The following DDX10 variants were observed in gnomAD, a reference collection of about 807,000 sequenced individuals.
The protein encoded by DDX10 is DEAD-box helicase 10, also known as probable ATP-dependent RNA helicase DDX10.
In DDX10, 74 loss-of-function variants were observed where a neutral mutation model predicts 104.3. That is an observed-to-expected ratio of 0.71 (90% confidence interval 0.59 to 0.86). DDX10 has a LOEUF of 0.86. DDX10 is among the 40% of genes least tolerant of loss of function. The pLI is 0.00. For synonymous variants in DDX10, 351 were observed against 353.4 expected (o/e 0.99, Z 0.08); for missense variants, 952 against 1,040.0 (o/e 0.92, Z 1.16).
intron 9 of DDX10, among the ~76,000 whole-genome samples, chr11:108,695,748 G>A (rs1165390002): frequency 6.7e-6 from 1 of 150,094 alleles, no homozygotes; most frequent in Admixed American, 6.7e-5. Context: ...TTGAATGTAT[G>A]AGTGTTTAAG....
chr11:108,819,352 G>GC (rs1862294845), intron 13 of DDX10, among the ~76,000 whole-genome samples: 1 of 152,078 alleles, frequency 6.6e-6, no homozygotes, highest in Non-Finnish European at 1.5e-5. Flanking sequence ...TTCAGTACCA[G>GC]CATAGCCCTC....
chr11:108,681,588 A>G (rs2094235315), intron 6 of DDX10, among the ~76,000 whole-genome samples: 1 of 152,230 alleles, frequency 6.6e-6, no homozygotes, highest in Non-Finnish European at 1.5e-5. Context: ...CTACTCTCAA[A>G]TTGTGAAGGA....
intron 9 of DDX10, among the ~76,000 whole-genome samples, chr11:108,698,946 A>G (rs1324616304): frequency 6.6e-6 from 1 of 152,124 alleles, no homozygotes; most frequent in Non-Finnish European, 1.5e-5. Flanking sequence ...CATTTTCCTC[A>G]AGTATCCACA....
intron 16 of DDX10, among the ~76,000 whole-genome samples, chr11:108,887,817 G>A (rs1222739210): frequency 2.6e-5 from 4 of 152,080 alleles, no homozygotes; most frequent in Non-Finnish European, 4.4e-5. Flanking sequence ...TCCTCAGGAA[G>A]ACTGAGACAG....
At chr11:108,745,707 A>C (rs1162538466) in intron 13 of DDX10, among the ~76,000 whole-genome samples, 1 of 152,190 alleles carries the variant, frequency 6.6e-6, no homozygotes, top group Non-Finnish European at 1.5e-5. Flanking sequence ...TAATTCTCTG[A>C]AGTCTTAAAT....
intron 9 of DDX10, among the ~76,000 whole-genome samples, chr11:108,696,892 A>C (rs891914813): frequency 6.6e-6 from 1 of 152,144 alleles, no homozygotes; most frequent in Admixed American, 6.5e-5. Context: ...GGACATGTCA[A>C]TATAAATCAG....
At chr11:108,790,747 C>G (rs1232255839) in intron 13 of DDX10, among the ~76,000 whole-genome samples, 1 of 151,884 alleles carries the variant, frequency 6.6e-6, no homozygotes, top group African/African-American at 2.4e-5. Context: ...TGTGCCACTT[C>G]ATGGTCTCTC....
intron 13 of DDX10, among the ~76,000 whole-genome samples, chr11:108,829,001 G>A (rs568379826): frequency 4.6e-5 from 7 of 152,294 alleles, no homozygotes; most frequent in African/African-American, 1.4e-4. Context: ...ATTGATGGGC[G>A]TTTGGGTTGG....
intron 13 of DDX10, among the ~76,000 whole-genome samples, chr11:108,804,178 A>G (rs1329419290): frequency 1.3e-5 from 2 of 152,162 alleles, no homozygotes; most frequent in Non-Finnish European, 2.9e-5. Flanking sequence ...GTTCCAAGTC[A>G]ACTTACTGGT....
At chr11:108,857,798 T>C (rs1021287965) in intron 16 of DDX10, among the ~76,000 whole-genome samples, 1 of 152,204 alleles carries the variant, frequency 6.6e-6, no homozygotes, top group Non-Finnish European at 1.5e-5. Flanking sequence ...AGGCCATAGG[T>C]CATTTCCGAG....
intron 16 of DDX10, among the ~76,000 whole-genome samples, chr11:108,915,218 T>A (rs551078027): frequency 1.3e-5 from 2 of 152,312 alleles, no homozygotes; most frequent in South Asian, 4.1e-4. Flanking sequence ...CATGGTCAAC[T>A]GTTATGATAA....
intron 15 of DDX10, among the ~76,000 whole-genome samples, chr11:108,851,394 G>A (rs751822815): frequency 6.6e-6 from 1 of 151,990 alleles, no homozygotes. Context: ...AGTAATTGGT[G>A]CCAACTTAAT....
intron 7 of DDX10, chr11:108,690,904 TTTCCAA>T (rs1194676670): frequency 6.4e-6 from 1 of 156,038 alleles, no homozygotes; most frequent in African/African-American, 2.4e-5. Flanking sequence ...GCCTCTGTGG[TTTCCAA>T]TTCCTTGTCC....
rs531192128 is a variant in DDX10, at chr11:108,805,692, A to G, written c.1966-32754A>G. On this transcript the variant is annotated intron_variant, in intron 13 of 17. Transcript: ENST00000322536. ...GATCTTTTTGGATCACTTTTTGGAT[A>G]TAGGTTAAAATCAGAGATAACAAAT... Among the ~76,000 whole-genome samples, 8 of 152,292 alleles carry G rather than the reference A, an allele frequency of 5.3e-5. No individual in the cohort carries two copies. The South Asian group carries it at 6.2e-4, about 12-fold the overall frequency.
intron 16 of DDX10, among the ~76,000 whole-genome samples, chr11:108,883,060 G>T (rs1453831837): frequency 6.6e-6 from 1 of 152,088 alleles, no homozygotes; most frequent in African/African-American, 2.4e-5. Flanking sequence ...ATGTTACGGG[G>T]TTTTTCCCCC....
At chr11:108,915,691 T>C (rs886553459) in intron 16 of DDX10, among the ~76,000 whole-genome samples, 5 of 152,264 alleles carry the variant, frequency 3.3e-5, no homozygotes, top group East Asian at 3.9e-4. Flanking sequence ...TTCATTGATA[T>C]GGTTTCAGTT....
chr11:108,685,352 C>G (rs371058911), intron 6 of DDX10, among the ~76,000 whole-genome samples: 2 of 151,096 alleles, frequency 1.3e-5, no homozygotes, highest in African/African-American at 4.9e-5. Flanking sequence ...TGACCCCTTG[C>G]GCTTCCCAGG....
At chr11:108,856,113 T>C (rs1458631319) in intron 16 of DDX10, among the ~76,000 whole-genome samples, 1 of 152,144 alleles carries the variant, frequency 6.6e-6, no homozygotes, top group Admixed American at 6.5e-5. Context: ...ATAGGAGGTC[T>C]GAAGAAGTAG....
chr11:108,734,082 A>G lies in DDX10; in HGVS notation c.1965+10620A>G, dbSNP rs543640786. Among the ~76,000 whole-genome samples, 14 of 152,080 alleles carry G rather than the reference A, an allele frequency of 9.2e-5. 1 individual carries two copies. The highest frequency in any genetic ancestry group is 4.2e-4 in the South Asian group (2 of 4,804). ...TCAACCCACTGACCTCTGGATTCCA[A>G]TGGTCTATTTTGCTAGTATTTTTTT... is the stretch of plus-strand genomic sequence containing the variant. On this transcript the variant is annotated intron_variant, in intron 13 of 17. Coordinates refer to ENST00000322536, the MANE Select transcript of DDX10 (RefSeq NM_004398.4).
Sources: allele counts gnomAD v4.1 joint callset (sites outside exome capture counted in the v4.1 genomes callset), GRCh38; gene constraint gnomAD v4.1.1; transcripts MANE v1.5; gene names NCBI Gene and HGNC (gene_info 2026-07-23, HGNC 2026-07-21).